Variants in TBC1D22A observed in about 807,000 individuals in gnomAD.
TBC1D22A encodes the protein putative GTPase activator.
TBC1D22A carries 38 observed loss-of-function variants against 60.2 expected under a neutral mutation model. That is an observed-to-expected ratio of 0.63 (90% confidence interval 0.49 to 0.83). The LOEUF is 0.83. Among genes scored for constraint, TBC1D22A ranks in the 40% least tolerant of loss-of-function variants. The probability of loss-of-function intolerance (pLI) is 0.00; values close to 1 mark genes in which losing one functional copy is unlikely to be tolerated. For synonymous variants in TBC1D22A, 302 were observed against 281.7 expected (o/e 1.07, Z -0.72); for missense variants, 628 against 701.0 (o/e 0.90, Z 1.18).
chr22:46,901,882 C>T (rs1194852789), intron 7 of TBC1D22A, among the ~76,000 whole-genome samples: 8 of 152,306 alleles, frequency 5.3e-5, no homozygotes, highest in South Asian at 4.1e-4. Flanking sequence ...CTTTGTATAC[C>T]GTGATGTCAC....
At chr22:46,941,267 G>A (rs1243132877) in intron 8 of TBC1D22A, among the ~76,000 whole-genome samples, 2 of 143,788 alleles carry the variant, frequency 1.4e-5, no homozygotes, top group African/African-American at 5.2e-5. Flanking sequence ...GGAAGCTGGG[G>A]CACTAGCACA....
chr22:46,903,975 G>T (rs1253429057), intron 7 of TBC1D22A, among the ~76,000 whole-genome samples: 2 of 151,956 alleles, frequency 1.3e-5, no homozygotes, highest in Non-Finnish European at 2.9e-5. Flanking sequence ...TTTTTACCCA[G>T]ACCCCTTTAA....
intron 11 of TBC1D22A, among the ~76,000 whole-genome samples, chr22:47,089,354 G>A (rs551945781): frequency 6.6e-6 from 1 of 152,226 alleles, no homozygotes; most frequent in Non-Finnish European, 1.5e-5. Flanking sequence ...AGCGGGGGTC[G>A]GTAATAAATG....
intron 4 of TBC1D22A, among the ~76,000 whole-genome samples, chr22:46,828,577 G>T (rs923532710): frequency 6.6e-6 from 1 of 152,228 alleles, no homozygotes; most frequent in African/African-American, 2.4e-5. Flanking sequence ...CTTCCTGCCC[G>T]TCTCCCACAG....
chr22:46,850,960 T>C (rs1309294278), intron 4 of TBC1D22A, among the ~76,000 whole-genome samples: 1 of 152,204 alleles, frequency 6.6e-6, no homozygotes, highest in African/African-American at 2.4e-5. Context: ...ATATGAAATG[T>C]GCAAAATAGG....
At chr22:46,891,416 C>T (rs762753661) in intron 6 of TBC1D22A, 22 bp downstream of exon 6, 51 of 1,585,154 alleles carry the variant, frequency 3.2e-5, no homozygotes, top group Non-Finnish European at 3.9e-5. Context: ...TTCTTTTTTT[C>T]GTATGTTGCC....
At chr22:46,874,423 T>C (rs967061012) in intron 4 of TBC1D22A, among the ~76,000 whole-genome samples, 1 of 152,102 alleles carries the variant, frequency 6.6e-6, no homozygotes, top group Non-Finnish European at 1.5e-5. Context: ...TGTTCCTTTT[T>C]CTCCATAACC....
At chr22:46,886,879 T>C (rs756699033) in intron 5 of TBC1D22A, among the ~76,000 whole-genome samples, 2 of 152,332 alleles carry the variant, frequency 1.3e-5, no homozygotes, top group South Asian at 4.1e-4. Flanking sequence ...GGCCGTGCCC[T>C]GTCCAGCAAA....
intron 9 of TBC1D22A, among the ~76,000 whole-genome samples, chr22:46,993,104 C>T (rs992823700): frequency 2.6e-5 from 4 of 152,194 alleles, no homozygotes; most frequent in African/African-American, 9.6e-5. Context: ...TCTCCGTGAG[C>T]TGGCAGGTTT....
At chr22:46,941,688 AT>A (rs2072124056) in intron 8 of TBC1D22A, among the ~76,000 whole-genome samples, 1 of 147,622 alleles carries the variant, frequency 6.8e-6, no homozygotes, top group African/African-American at 2.5e-5. Flanking sequence ...CGGAATATAT[AT>A]ACGCGGATTA....
intron 4 of TBC1D22A, among the ~76,000 whole-genome samples, chr22:46,833,022 G>A (rs1455372256): frequency 6.6e-6 from 1 of 152,222 alleles, no homozygotes; most frequent in Non-Finnish European, 1.5e-5. Flanking sequence ...TATGCATTCT[G>A]AGGCCCTGTC....
At chr22:47,099,172 C>T (rs2065309958) in intron 11 of TBC1D22A, among the ~76,000 whole-genome samples, 1 of 152,204 alleles carries the variant, frequency 6.6e-6, no homozygotes, top group African/African-American at 2.4e-5. Context: ...TGTGGAAGTG[C>T]AGACCCTGCT....
At chr22:46,852,170 C>G (rs1461989964) in intron 4 of TBC1D22A, among the ~76,000 whole-genome samples, 9 of 152,172 alleles carry the variant, frequency 5.9e-5, no homozygotes, top group Non-Finnish European at 1.2e-4. Context: ...ATCACAGTGG[C>G]CTTGTATCTG....
intron 8 of TBC1D22A, among the ~76,000 whole-genome samples, chr22:46,965,714 G>A (rs2073769371): frequency 6.6e-6 from 1 of 152,236 alleles, no homozygotes; most frequent in Non-Finnish European, 1.5e-5. Flanking sequence ...TCGGCAGCAG[G>A]CACGACGTCT....
chr22:46,769,504 C>G (rs1056227552), intron 1 of TBC1D22A, among the ~76,000 whole-genome samples: 1 of 152,238 alleles, frequency 6.6e-6, no homozygotes, highest in Admixed American at 6.5e-5. Context: ...TAGCAAGGCC[C>G]TCACTGGGTG....
chr22:47,127,610 G>T (rs2066512084), intron 12 of TBC1D22A, among the ~76,000 whole-genome samples: 1 of 151,968 alleles, frequency 6.6e-6, no homozygotes, highest in African/African-American at 2.4e-5. Context: ...CTGCACCTGT[G>T]GCCAGCTTGC....
At chr22:46,795,300 C>T (rs145701856) in intron 3 of TBC1D22A, among the ~76,000 whole-genome samples, 31 of 152,356 alleles carry the variant, frequency 2.0e-4, no homozygotes, top group African/African-American at 7.5e-4. Flanking sequence ...GACATTGAAG[C>T]TCTGTGAGCC....
At chr22:47,140,809 C>T (rs962228556) in intron 12 of TBC1D22A, among the ~76,000 whole-genome samples, 4 of 152,172 alleles carry the variant, frequency 2.6e-5, no homozygotes, top group South Asian at 2.1e-4. Flanking sequence ...CATGCTGGGG[C>T]GGCTTATCAC....
intron 11 of TBC1D22A, among the ~76,000 whole-genome samples, chr22:47,061,442 T>C (rs1358233819): frequency 6.6e-6 from 1 of 152,054 alleles, no homozygotes; most frequent in East Asian, 1.9e-4. Context: ...GGGATGTCCT[T>C]TCCTGCTCGT....
Sources: allele counts gnomAD v4.1 joint callset (sites outside exome capture counted in the v4.1 genomes callset), GRCh38; gene constraint gnomAD v4.1.1; transcripts MANE v1.5; gene names NCBI Gene and HGNC (gene_info 2026-07-23, HGNC 2026-07-21).